Variants in KCNQ1 observed in about 807,000 individuals in gnomAD.
KCNQ1 encodes the protein potassium voltage-gated channel subfamily Q member 1, also known as potassium voltage-gated channel subfamily KQT member 1.
Under a neutral mutation model 72.4 loss-of-function variants are expected in KCNQ1, and 49 were observed. That is an observed-to-expected ratio of 0.68 (90% CI 0.54 to 0.86). The LOEUF (loss-of-function observed/expected upper bound fraction) is 0.86. Ranked by LOEUF, KCNQ1 falls within the 40% of genes least tolerant of loss-of-function variation. The pLI is 0.00. For missense variants in KCNQ1, 790 were observed against 945.1 expected, an observed-to-expected ratio of 0.84 and a Z score of 2.15; for synonymous variants, 450 against 412.6, an observed-to-expected ratio of 1.09 and a Z score of -1.10.
rs1435254669 is a variant in KCNQ1 at position 2,516,437 on chromosome 11, G to A, written c.387-11491G>A. On this transcript the variant is annotated intron_variant, in intron 1 of 15. Coordinates refer to ENST00000155840, the MANE Select transcript of KCNQ1 (RefSeq NM_000218.3). The surrounding 1 kb of genome is among the most constrained non-coding windows in gnomAD (Gnocchi z 7.0). ...AAGGGGATGTGGCGGCCAGCTCTGG[G>A]GGCACACGTTCCTGTTTGAATTCTC... is the stretch of plus-strand genomic sequence containing the variant. 6.6e-6 allele frequency among the ~76,000 whole-genome samples: 1 copy of A among 152,082 alleles called. No individual in the cohort carries two copies. Among genetic ancestry groups the A allele is most frequent in the Non-Finnish European group, 1.5e-5 (1 of 68,022 alleles).
rs1452744757 is a variant in KCNQ1 at position 2,827,570 on chromosome 11, A to G, written c.1795-20197A>G. On this transcript the variant is annotated intron_variant, in intron 15 of 15. Transcript: ENST00000155840. This position sits in a 1 kb window ranked among gnomAD's most constrained non-coding sequence, Gnocchi z 6.7. ...TCGCTGCAAGGGCCCCTGGGGACGGAGTCTCTATTCCAGGCAGGCAAACAC... is the reference window on the plus strand; with the variant it reads ...TCGCTGCAAGGGCCCCTGGGGACGGGGTCTCTATTCCAGGCAGGCAAACAC... Among the ~76,000 whole-genome samples the G allele has an allele frequency of 7.4e-6, 1 of 134,922 alleles. No homozygotes were observed. Among genetic ancestry groups the G allele is most frequent in the East Asian group, 2.3e-4 (1 of 4,308 alleles). 88.5% of individuals were successfully genotyped at this position (134,922 alleles called of 152,430 possible).
In KCNQ1 at chr11:2,566,532, C is replaced by T. The variant is rs191339039; in HGVS notation, c.478-4096C>T. Among the ~76,000 whole-genome samples, 395 of 152,258 alleles carry T rather than the reference C, an allele frequency of 2.6e-3. 1 individual carries two copies. The highest frequency in any genetic ancestry group is 0.01 in the Middle Eastern group (3 of 294). ...TGTGGGTCTGTGTTTGCTCTGTGCA[C>T]GTCTCGGTGCCCAGATCTGAGGCCC... On this transcript the variant is annotated intron_variant, in intron 2 of 15. Transcript: ENST00000155840. The surrounding 1 kb of genome is among the most constrained non-coding windows in gnomAD (Gnocchi z 6.7).
At chr11:2,511,266 G>A (rs1213695221) in intron 1 of KCNQ1, among the ~76,000 whole-genome samples, 1 of 152,178 alleles carries the variant, frequency 6.6e-6, no homozygotes, top group South Asian at 2.1e-4. Context: ...AGCCCCTACT[G>A]TTCCTGGCAG....
rs1849918337 is a variant in KCNQ1 at position 2,659,827 on chromosome 11, AT to A, written c.1394-2133del. 1 of 398,332 alleles carries A rather than the reference AT, an allele frequency of 2.5e-6. No individual in the cohort carries two copies. The highest frequency in any genetic ancestry group is 4.4e-6 in the Non-Finnish European group (1 of 225,982). The allele number at this position is 398,332 out of a possible 1,614,324, so 24.7% of individuals were successfully genotyped here. ...CATTGTGATTCTAATTTGCATTTCC[AT>A]ATTTATGTTAATTATGTATCTTTTC... On this transcript the variant is annotated intron_variant, in intron 10 of 15. Coordinates refer to ENST00000155840, the MANE Select transcript of KCNQ1 (RefSeq NM_000218.3). The surrounding 1 kb of genome is among the most constrained non-coding windows in gnomAD (Gnocchi z 4.3).
chr11:2,620,960 C>A lies in KCNQ1; in HGVS notation c.1393+32106C>A. On this transcript the variant is annotated intron_variant, in intron 10 of 15. Transcript: ENST00000155840. The surrounding 1 kb of genome is among the most constrained non-coding windows in gnomAD (Gnocchi z 4.5). ...GTTGTTTTGTTTTGTTTTTTTTTGT[C>A]TGTTTTTTGCTTTTTTGTTTGTTTG... is the stretch of plus-strand genomic sequence containing the variant. 1 of 304,326 alleles carries A rather than the reference C, an allele frequency of 3.3e-6. No individual in the cohort carries two copies. Among genetic ancestry groups the A allele is most frequent in the South Asian group, 2.0e-4 (1 of 4,932 alleles). 18.9% of individuals were successfully genotyped at this position (304,326 alleles called of 1,614,324 possible).
chr11:2,471,812 G>A lies in KCNQ1; in HGVS notation c.386+26328G>A, dbSNP rs1383068721. ...TGTGTGCATGTGTATATAGGTGTGT[G>A]TGCACGTGTATGGGTGCGTGTGCAC... On this transcript the variant is annotated intron_variant, in intron 1 of 15. Transcript: ENST00000155840. This position sits in a 1 kb window ranked among gnomAD's most constrained non-coding sequence, Gnocchi z 4.8. Among the ~76,000 whole-genome samples the A allele has an allele frequency of 6.6e-6, 1 of 152,084 alleles. No individual in the cohort carries two copies. The highest frequency in any genetic ancestry group is 1.5e-5 in the Non-Finnish European group (1 of 68,014).
In KCNQ1 at chr11:2,828,649, C is replaced by T. The variant is rs1847886417; in HGVS notation, c.1795-19118C>T. Among the ~76,000 whole-genome samples the T allele has an allele frequency of 6.6e-6, 1 of 152,178 alleles. No homozygotes were observed. Among genetic ancestry groups the T allele is most frequent in the Non-Finnish European group, 1.5e-5 (1 of 68,030 alleles). On this transcript the variant is annotated intron_variant, in intron 15 of 15. Coordinates refer to ENST00000155840, the MANE Select transcript of KCNQ1 (RefSeq NM_000218.3). This position sits in a 1 kb window ranked among gnomAD's most constrained non-coding sequence, Gnocchi z 5.3. ...AAGCTCAGCTAGAGACAGGTTGAGT[C>T]TCCAGAAAAGCTGAGCCTGAGAGGT...
intron 1 of KCNQ1, among the ~76,000 whole-genome samples, chr11:2,506,245 C>T (rs1036824275): frequency 6.6e-6 from 1 of 152,050 alleles, no homozygotes; most frequent in Non-Finnish European, 1.5e-5. Flanking sequence ...TTTTTATATC[C>T]AGCTTTATTC....
chr11:2,653,584 C>T lies in KCNQ1; in HGVS notation c.1394-8377C>T, dbSNP rs540683693. 7.5e-6 allele frequency: 3 copies of T among 398,660 alleles called. No individual in the cohort carries two copies. Among genetic ancestry groups the T allele is most frequent in the Non-Finnish European group, 1.3e-5 (3 of 226,152 alleles). 24.7% of individuals were successfully genotyped at this position (398,660 alleles called of 1,614,324 possible). ...CCGTTCCCTCTTTTGTTCTCCCTTT[C>T]CCTTGCTCTCTATCCATTGGCCCCA... On this transcript the variant is annotated intron_variant, in intron 10 of 15. Transcript: ENST00000155840. The surrounding 1 kb of genome is among the most constrained non-coding windows in gnomAD (Gnocchi z 5.3).
In KCNQ1 at chr11:2,652,144, AGCCCGC is replaced by A. The variant is rs1849766902; in HGVS notation, c.1394-9812_1394-9807del. The A allele has an allele frequency of 5.0e-6, 2 of 398,632 alleles. No individual in the cohort carries two copies. The highest frequency in any genetic ancestry group is 7.1e-5 in the East Asian group (2 of 28,052). The allele number at this position is 398,632 out of a possible 1,614,324, so 24.7% of individuals were successfully genotyped here. ...CCTGGGAAGGGACCTGTGTTTCTCA[AGCCCGC>A]GCCCTCGGGGCCTGGGGGTGGGGCC... is the stretch of plus-strand genomic sequence containing the variant. On this transcript the variant is annotated intron_variant, in intron 10 of 15. Transcript: ENST00000155840. The surrounding 1 kb of genome is among the most constrained non-coding windows in gnomAD (Gnocchi z 5.9).
Position 2,657,979 on chromosome 11 carries a change from G to T in KCNQ1, c.1394-3982G>T, listed in dbSNP as rs1849880793. 1 of 398,542 alleles carries T rather than the reference G, an allele frequency of 2.5e-6. No individual in the cohort carries two copies. Among genetic ancestry groups the T allele is most frequent in the Non-Finnish European group, 4.4e-6 (1 of 226,052 alleles). 24.7% of individuals were successfully genotyped at this position (398,542 alleles called of 1,614,324 possible). A position where few individuals can be genotyped will look rare whatever the true frequency, so the allele number is the denominator to read the frequency against. Reference sequence around the variant, plus strand: ...ACTCGTTTAAAGTGGTGTCGGCCAGGCTCCTCCACTGTAAGTGAATAGCTG... The same window carrying T: ...ACTCGTTTAAAGTGGTGTCGGCCAGTCTCCTCCACTGTAAGTGAATAGCTG... On this transcript the variant is annotated intron_variant, in intron 10 of 15. Transcript: ENST00000155840. The surrounding 1 kb of genome is among the most constrained non-coding windows in gnomAD (Gnocchi z 4.8).
chr11:2,596,914 A>C (rs1382394057), intron 10 of KCNQ1, among the ~76,000 whole-genome samples: 3 of 151,782 alleles, frequency 2.0e-5, no homozygotes, highest in Non-Finnish European at 4.4e-5. Flanking sequence ...ATAGCAAAAA[A>C]ACATACTGAA....
At chr11:2,810,554 G>A (rs548583064) in intron 15 of KCNQ1, among the ~76,000 whole-genome samples, 19 of 152,158 alleles carry the variant, frequency 1.2e-4, no homozygotes, top group East Asian at 1.9e-4. Flanking sequence ...CTCTCTGACC[G>A]TGGTCATGGC....
chr11:2,625,983 C>T, intron 10 of KCNQ1: 1 of 398,610 alleles, frequency 2.5e-6, no homozygotes, highest in Non-Finnish European at 4.4e-6. Context: ...TTCTCCCATT[C>T]TGTAGGTTGT....
chr11:2,844,687 G>A (rs1399601084), intron 15 of KCNQ1, among the ~76,000 whole-genome samples: 3 of 152,208 alleles, frequency 2.0e-5, no homozygotes, highest in Non-Finnish European at 2.9e-5. Flanking sequence ...CTGCGGCCCT[G>A]ACACCCACTG....
Position 2,446,158 on chromosome 11 carries a change from GC to G in KCNQ1, c.386+680del, listed in dbSNP as rs539105245. 6.6e-6 allele frequency among the ~76,000 whole-genome samples: 1 copy of G among 152,228 alleles called. No individual in the cohort carries two copies. The highest frequency in any genetic ancestry group is 2.4e-5 in the African/African-American group (1 of 41,464). ...GCAGCGCTGGTAGCAGAGGCACCTGGCCCCCCTGTTACCAGGTGGTTCCAAT... is the reference window on the plus strand; with the variant it reads ...GCAGCGCTGGTAGCAGAGGCACCTGGCCCCCTGTTACCAGGTGGTTCCAAT... On this transcript the variant is annotated intron_variant, in intron 1 of 15. Transcript: ENST00000155840. This position sits in a 1 kb window ranked among gnomAD's most constrained non-coding sequence, Gnocchi z 8.8.
At position 2,790,274 on chromosome 11, in the gene KCNQ1, A is replaced by T. The variant is rs371022821; in HGVS notation, c.1794+12237A>T. Among the ~76,000 whole-genome samples, 44 of 152,274 alleles carry T rather than the reference A, an allele frequency of 2.9e-4. No homozygotes were observed. In the East Asian group the frequency reaches 6.0e-3, roughly 21 times the overall value. On this transcript the variant is annotated intron_variant, in intron 15 of 15. Coordinates refer to ENST00000155840, the MANE Select transcript of KCNQ1 (RefSeq NM_000218.3). ...TTGTCTACACTGTCCCCACTCGGTG[A>T]CACCAGGAGCTGGCATTGCCTCTGG... is the stretch of plus-strand genomic sequence containing the variant.
chr11:2,591,232 C>A (rs1848666490), intron 10 of KCNQ1, among the ~76,000 whole-genome samples: 1 of 152,240 alleles, frequency 6.6e-6, no homozygotes, highest in Admixed American at 6.5e-5. Flanking sequence ...TCACCTGCAT[C>A]CCCACCTCCT....
chr11:2,768,812 A>C lies in KCNQ1; in HGVS notation c.1515-32A>C, dbSNP rs771954986. 3.8e-6 allele frequency: 6 copies of C among 1,584,462 alleles called. No individual in the cohort carries two copies. The highest frequency in any genetic ancestry group is 5.2e-6 in the Non-Finnish European group (6 of 1,153,170). ...AGGGGATGACCAGCACAGGGTGGCCACTCACAATCTCCTCTCCTCTCTCCA... is the reference window on the plus strand; with the variant it reads ...AGGGGATGACCAGCACAGGGTGGCCCCTCACAATCTCCTCTCCTCTCTCCA... On this transcript the variant is annotated intron_variant, in intron 11 of 15. Coordinates refer to ENST00000155840, the MANE Select transcript of KCNQ1 (RefSeq NM_000218.3). The surrounding 1 kb of genome is among the most constrained non-coding windows in gnomAD (Gnocchi z 6.7).
Sources: gnomAD v4.1 joint callset for allele counts (sites outside exome capture counted in the v4.1 genomes callset) on GRCh38, gnomAD v4.1.1 for gene constraint, Gnocchi (gnomAD v3.1) non-coding constraint, MANE v1.5 for transcripts, NCBI Gene and HGNC (gene_info 2026-07-23, HGNC 2026-07-21) for gene names.